PTPN3: variants seen among roughly 807,000 people sequenced by gnomAD.
PTPN3 encodes the protein protein tyrosine phosphatase non-receptor type 3.
PTPN3 carries 96 observed loss-of-function variants against 132.7 expected under a neutral mutation model. That is an observed-to-expected ratio of 0.72 (90% CI 0.61 to 0.86). The LOEUF is 0.86. Ranked by LOEUF, PTPN3 falls within the 40% of genes least tolerant of loss-of-function variation. PTPN3 has a pLI of 0.00. For missense variants in PTPN3, 1,125 were observed against 1,159.6 expected (o/e 0.97, Z 0.43); for synonymous variants, 398 against 429.0 (o/e 0.93, Z 0.89).
At chr9:109,503,054 T>C (rs1847879708), upstream of PTPN3, among the ~76,000 whole-genome samples, 1 of 152,190 alleles carries the variant, frequency 6.6e-6, no homozygotes. Context: ...TTATGTATGT[T>C]TCTTTCATAA....
chr9:109,406,295 T>A (rs1347064986), intron 18 of PTPN3, among the ~76,000 whole-genome samples, 167 bp downstream of exon 18: 2 of 151,918 alleles, frequency 1.3e-5, no homozygotes, highest in Non-Finnish European at 2.9e-5. Flanking sequence ...GGGCAGATCT[T>A]CACATTTTTC....
rs886617356 is a variant in PTPN3, at chr9:109,406,357, T to C, written c.1792+105A>G. 6.6e-6 allele frequency: 9 copies of C among 1,364,248 alleles called. No individual in the cohort carries two copies. In the South Asian group the frequency reaches 1.1e-4, roughly 17 times the overall value. The allele number at this position is 1,364,248 out of a possible 1,614,324, so 84.5% of individuals were successfully genotyped here. ...TACCTGAAGATTCTTGATTTTCAAA[T>C]GTTGGCTACAAACTCAACATTTTCA... On this transcript the variant is annotated intron_variant, in intron 18 of 25. Transcript: ENST00000374541.
In PTPN3 at chr9:109,404,601, G is replaced by A. The variant is rs374405230; in HGVS notation, c.1800C>T (p.Arg600=). The part of the protein sequence containing the change: ...LALVIRRRAV[R]SFADFKSEDE... ...CTTCAGACTTGAAGTCAGCAAATGA[G>A]CGGACAGCTGTAACGTACAAGACAG... Residue 600 remains arginine, a synonymous_variant, in exon 19 of 26, where the codon CGC becomes CGT. Coordinates refer to ENST00000374541, the MANE Select transcript of PTPN3 (RefSeq NM_002829.4). 23 of 1,534,068 alleles carry A rather than the reference G, an allele frequency of 1.5e-5. No homozygotes were observed. The Middle Eastern group carries it at 1.2e-3, about 80-fold the overall frequency.
intron 1 of PTPN3, among the ~76,000 whole-genome samples, chr9:109,482,539 T>C (rs985389863): frequency 6.6e-6 from 1 of 152,222 alleles, no homozygotes; most frequent in Non-Finnish European, 1.5e-5. Context: ...CAAACTGATC[T>C]AATTTTTTTT....
At chr9:109,446,500 A>T (rs1844870683) in intron 6 of PTPN3, among the ~76,000 whole-genome samples, 1 of 152,126 alleles carries the variant, frequency 6.6e-6, no homozygotes, top group African/African-American at 2.4e-5. Context: ...AGGTCCAGGG[A>T]TCTCACCTCT....
chr9:109,507,249 C>T, the PTPN3 span, among the ~76,000 whole-genome samples: 3 of 152,212 alleles, frequency 2.0e-5, no homozygotes, highest in Non-Finnish European at 4.4e-5. Flanking sequence ...GGAATGATGC[C>T]TCCCTGATAC....
chr9:109,377,836 A>C lies in PTPN3; in HGVS notation c.*1720T>G, dbSNP rs1240365435. ...TGAAAGAGAGGTAGAGCTTCTAAGC[A>C]ACCAGGCCCGCAAGTAGTTAGTGCT... On this transcript the variant is annotated 3_prime_UTR_variant, in exon 26 of 26. Coordinates refer to ENST00000374541, the MANE Select transcript of PTPN3 (RefSeq NM_002829.4). 1 of 152,238 alleles carries C rather than the reference A, an allele frequency of 6.6e-6. No homozygotes were observed. The highest frequency in any genetic ancestry group is 1.9e-4 in the East Asian group (1 of 5,196). The allele number at this position is 152,238 out of a possible 1,614,324, so 9.4% of individuals were successfully genotyped here. A position where few individuals can be genotyped will look rare whatever the true frequency, so the allele number is the denominator to read the frequency against.
intron 22 of PTPN3, among the ~76,000 whole-genome samples, chr9:109,386,724 G>A (rs1379370740): frequency 1.3e-5 from 2 of 152,206 alleles, no homozygotes; most frequent in Non-Finnish European, 2.9e-5. Flanking sequence ...CACCTGCACA[G>A]AAGGTACCAG....
chr9:109,486,321 T>C (rs1035776899), intron 1 of PTPN3, among the ~76,000 whole-genome samples: 3 of 152,210 alleles, frequency 2.0e-5, no homozygotes, highest in Non-Finnish European at 2.9e-5. Context: ...GGTGATCTTC[T>C]GTGCTTTTTA....
At chr9:109,437,462 A>G (rs984179228) in intron 8 of PTPN3, among the ~76,000 whole-genome samples, 4 of 152,172 alleles carry the variant, frequency 2.6e-5, no homozygotes, top group Non-Finnish European at 4.4e-5. Flanking sequence ...CTTTGTTTTT[A>G]TGGCTTTCCC....
At chr9:109,421,539 T>C (rs34579830) in intron 13 of PTPN3, among the ~76,000 whole-genome samples, 1 of 152,128 alleles carries the variant, frequency 6.6e-6, no homozygotes, top group Non-Finnish European at 1.5e-5. Context: ...GGGCCACGAG[T>C]GTGGCAACAT....
chr9:109,384,688 T>C (rs1354237842), intron 22 of PTPN3, among the ~76,000 whole-genome samples: 6 of 152,248 alleles, frequency 3.9e-5, no homozygotes, highest in Non-Finnish European at 2.9e-5. Context: ...CATTTTCCCC[T>C]GAGCCTATAT....
chr9:109,406,494 GA>G lies in PTPN3; in HGVS notation c.1759del (p.Ser587HisfsTer7), dbSNP rs747932304. The stretch of plus-strand genomic sequence containing the variant: ...CCTGATCACCAGGGCCAGCTCCCGT[GA>G]GTGGGACTCCCGGCTGGCTTTGATG... ...MFIKASRESH[S>X]RELALVIRRR... On this transcript the variant is annotated frameshift_variant, in exon 18 of 26. Coordinates refer to ENST00000374541, the MANE Select transcript of PTPN3 (RefSeq NM_002829.4). LOFTEE classifies it high-confidence loss of function. The G allele has an allele frequency of 1.2e-6, 2 of 1,614,138 alleles. No individual in the cohort carries two copies. The highest frequency in any genetic ancestry group is 1.7e-6 in the Non-Finnish European group (2 of 1,180,010).
rs774785506 is a variant in PTPN3 at position 109,427,074 on chromosome 9, A to G, written c.877T>C (p.Ser293Pro). The G allele has an allele frequency of 3.1e-6, 5 of 1,614,150 alleles. No homozygotes were observed. The highest frequency in any genetic ancestry group is 4.2e-6 in the Non-Finnish European group (5 of 1,179,996). Residue 293 changes from serine (S) to proline (P), a missense_variant, in exon 12 of 26, where the codon TCT becomes CCT. By Grantham distance (74) the Ser-to-Pro change is moderately conservative. Transcript: ENST00000374541. ...IVAFNMLNYR[S>P]CKNLWKSCVE... ...CAGGATTTCCACAAGTTTTTGCAAG[A>G]TCGGTAATTCAGCATGTTGAAGGCC... is the stretch of plus-strand genomic sequence containing the variant.
At chr9:109,405,505 A>G (rs1044266903) in intron 18 of PTPN3, among the ~76,000 whole-genome samples, 1 of 152,202 alleles carries the variant, frequency 6.6e-6, no homozygotes, top group East Asian at 1.9e-4. Context: ...CTATAAAGAC[A>G]ACAGTGTGAT....
intron 14 of PTPN3, chr9:109,417,726 CA>C: frequency 2.0e-6 from 2 of 985,318 alleles, no homozygotes; most frequent in Non-Finnish European, 2.4e-6. Flanking sequence ...CTGTTCATCC[CA>C]CTTGCAGAGC....
At chr9:109,536,684 G>A in the PTPN3 span, among the ~76,000 whole-genome samples, 121 of 152,202 alleles carry the variant, frequency 7.9e-4, no homozygotes, top group African/African-American at 2.7e-3. Context: ...TATGAGAAGA[G>A]CTAAGTGGGG....
At chr9:109,421,102 G>C (rs1053211851) in intron 13 of PTPN3, among the ~76,000 whole-genome samples, 1 of 152,170 alleles carries the variant, frequency 6.6e-6, no homozygotes, top group Admixed American at 6.6e-5. Flanking sequence ...TGCTTTTTAA[G>C]ATATATCCCT....
chr9:109,450,683 C>G (rs1380165087), intron 5 of PTPN3: 2 of 984,796 alleles, frequency 2.0e-6, no homozygotes, highest in African/African-American at 1.7e-5. Flanking sequence ...CTAAATTTAT[C>G]AGAAACAGCA....
Sources: gnomAD v4.1 joint callset for allele counts (sites outside exome capture counted in the v4.1 genomes callset) on GRCh38, gnomAD v4.1.1 for gene constraint, MANE v1.5 for transcripts, NCBI Gene and HGNC (gene_info 2026-07-23, HGNC 2026-07-21) for gene names.